CEP170B: variants seen among roughly 807,000 people sequenced by gnomAD.
CEP170B encodes the protein centrosomal protein of 170 kDa protein B.
Under a neutral mutation model 120.6 loss-of-function variants are expected in CEP170B, and 55 were observed. That is an observed-to-expected ratio of 0.46 (90% CI 0.37 to 0.57). The LOEUF (loss-of-function observed/expected upper bound fraction) is 0.57. CEP170B is among the 20% of genes least tolerant of loss of function. The probability of loss-of-function intolerance (pLI) is 0.00; values close to 1 mark genes in which losing one functional copy is unlikely to be tolerated. For missense variants in CEP170B, 2,212 were observed against 2,253.3 expected, an observed-to-expected ratio of 0.98 and a Z score of 0.37; for synonymous variants, 1,033 against 954.5, an observed-to-expected ratio of 1.08 and a Z score of -1.52.
At position 104,893,067 on chromosome 14, in the gene CEP170B, C is replaced by T; in HGVS notation, c.3970C>T (p.Pro1324Ser). Residue 1324 changes from proline (P) to serine (S), a missense_variant, in exon 14 of 19, where the codon CCT becomes TCT. Physicochemically the swap from Pro to Ser is moderately conservative, Grantham distance 74. This residue lies in a region of CEP170B where 2,166 missense variants were observed against 2,166.7 expected (regional missense o/e 1.00). Coordinates refer to ENST00000414716, the MANE Select transcript of CEP170B (RefSeq NM_001112726.3). The stretch of plus-strand genomic sequence containing the variant: ...CGGTGACACACTGGGCTCCTCGGAG[C>T]CTGCCCACAGCGCCTCCCTCAGCAA... Reference protein sequence around the residue: ...GDGDTLGSSEPAHSASLSNMP... With the variant: ...GDGDTLGSSESAHSASLSNMP... The T allele has an allele frequency of 6.2e-7, 1 of 1,603,752 alleles. No individual in the cohort carries two copies. Among genetic ancestry groups the T allele is most frequent in the South Asian group, 1.1e-5 (1 of 89,220 alleles).
Position 104,887,207 on chromosome 14 carries a change from C to T in CEP170B, c.2968C>T (p.Pro990Ser). ...RAQKEMSPSP[P>S]AAQDPGGTAL... ...ACAGAAGGAGATGTCGCCATCCCCG[C>T]CAGCTGCACAGGACCCGGGAGGCAC... Residue 990 changes from proline to serine, a missense_variant, in exon 12 of 19, where the codon CCA (proline) becomes TCA (serine). This residue lies in a region of CEP170B where 2,166 missense variants were observed against 2,166.7 expected (regional missense o/e 1.00). Transcript: ENST00000414716. 1 of 1,605,992 alleles carries T rather than the reference C, an allele frequency of 6.2e-7. No individual in the cohort carries two copies. Among genetic ancestry groups the T allele is most frequent in the Non-Finnish European group, 8.5e-7 (1 of 1,179,688 alleles).
rs377318497 is a variant in CEP170B, at chr14:104,865,905, C to T, written c.-28+392C>T. Among the ~76,000 whole-genome samples, 1 of 152,142 alleles carries T rather than the reference C, an allele frequency of 6.6e-6. No individual in the cohort carries two copies. The highest frequency in any genetic ancestry group is 1.5e-5 in the Non-Finnish European group (1 of 68,002). On this transcript the variant is annotated intron_variant, in intron 1 of 18. Coordinates refer to ENST00000414716, the MANE Select transcript of CEP170B (RefSeq NM_001112726.3). This position sits in a 1 kb window ranked among gnomAD's most constrained non-coding sequence, Gnocchi z 6.7. ...CCGCGGTCCCTCCCTCCGTCTTCCTCCTCCTCCCCTCTCTCCTCATTTCCC... is the reference window on the plus strand; with the variant it reads ...CCGCGGTCCCTCCCTCCGTCTTCCTTCTCCTCCCCTCTCTCCTCATTTCCC...
rs903069198 is a variant in CEP170B at position 104,878,315 on chromosome 14, G to A, written c.275-128G>A. The A allele has an allele frequency of 5.6e-5, 52 of 934,030 alleles. No homozygotes were observed. The Admixed American group carries it at 6.3e-4, about 11-fold the overall frequency. The allele number at this position is 934,030 out of a possible 1,614,324, so 57.9% of individuals were successfully genotyped here. A position where few individuals can be genotyped will look rare whatever the true frequency, so the allele number is the denominator to read the frequency against. On this transcript the variant is annotated intron_variant, in intron 4 of 18. Coordinates refer to ENST00000414716, the MANE Select transcript of CEP170B (RefSeq NM_001112726.3). Reference sequence around the variant, plus strand: ...TGGGTGGGCATGGCTGTGCCTCCCCGGGAAGAAAGAGGCCCCTCCTCTGCC... The same window carrying A: ...TGGGTGGGCATGGCTGTGCCTCCCCAGGAAGAAAGAGGCCCCTCCTCTGCC...
chr14:104,895,418 T>C lies in CEP170B; in HGVS notation c.*460T>C, dbSNP rs1159998072. On this transcript the variant is annotated 3_prime_UTR_variant, in exon 19 of 19. Coordinates refer to ENST00000414716, the MANE Select transcript of CEP170B (RefSeq NM_001112726.3). Reference sequence around the variant, plus strand: ...AGAGGAAGAGAGGTCGACTGTGGGGTCATTTGGTGCCAAACATGGAGGTGG... The same window carrying C: ...AGAGGAAGAGAGGTCGACTGTGGGGCCATTTGGTGCCAAACATGGAGGTGG... 6.4e-6 allele frequency: 1 copy of C among 155,314 alleles called. No homozygotes were observed. Among genetic ancestry groups the C allele is most frequent in the Non-Finnish European group, 1.4e-5 (1 of 70,106 alleles). 9.6% of individuals were successfully genotyped at this position (155,314 alleles called of 1,614,324 possible).
chr14:104,872,191 T>G (rs61995989), intron 2 of CEP170B, among the ~76,000 whole-genome samples: 59,585 of 137,274 alleles, frequency 0.43, 14,922 homozygotes, highest in Middle Eastern at 0.67. Context: ...GTGTGCTGTG[T>G]GTGTGCCGTG....
intron 5 of CEP170B, 116 bp from the exon 6 acceptor site, chr14:104,880,171 T>C: frequency 7.2e-7 from 1 of 1,384,680 alleles, no homozygotes; most frequent in Non-Finnish European, 9.8e-7. Context: ...AGGGAGAGCT[T>C]GTGACATGCA....
chr14:104,892,116 G>A (rs1160918203), intron 13 of CEP170B, among the ~76,000 whole-genome samples: 1 of 152,132 alleles, frequency 6.6e-6, no homozygotes, highest in Non-Finnish European at 1.5e-5. Context: ...TCCCCATGAG[G>A]ATGGGTGGTT....
chr14:104,872,333 G>GGTGTGCGTGT (rs1203581674), intron 2 of CEP170B, among the ~76,000 whole-genome samples: 3 of 80,738 alleles, frequency 3.7e-5, no homozygotes, highest in Admixed American at 1.4e-4. Context: ...GGTGTGCGTG[G>GGTGTGCGTGT]GTGTGCGTGT....
intron 10 of CEP170B, 79 bp downstream of exon 10, chr14:104,885,621 G>A: frequency 7.4e-6 from 11 of 1,484,432 alleles, no homozygotes; most frequent in Non-Finnish European, 9.8e-6. Context: ...GGGTCAGCGG[G>A]CCCCCCATGG....
intron 6 of CEP170B, among the ~76,000 whole-genome samples, chr14:104,882,185 C>T (rs1171846202): frequency 1.3e-5 from 2 of 152,126 alleles, no homozygotes; most frequent in Non-Finnish European, 2.9e-5. Flanking sequence ...AATTTCCCTC[C>T]TGGTCATTAA....
At chr14:104,877,063 T>C (rs954854289) in intron 3 of CEP170B, among the ~76,000 whole-genome samples, 1 of 151,970 alleles carries the variant, frequency 6.6e-6, no homozygotes, top group Admixed American at 6.5e-5. Context: ...GGACACTCTA[T>C]CTTTACTGCA....
At chr14:104,877,744 C>T (rs1203106496) in intron 3 of CEP170B, 141 bp from the exon 4 acceptor site, 5 of 647,016 alleles carry the variant, frequency 7.7e-6, no homozygotes, top group East Asian at 2.7e-5. Context: ...GGCCATCACT[C>T]GCCGTGGGTT....
At position 104,887,938 on chromosome 14, in the gene CEP170B, CT is replaced by C. The variant is rs776636387; in HGVS notation, c.3701del (p.Phe1234SerfsTer61). The C allele has an allele frequency of 6.5e-7, 1 of 1,542,194 alleles. No homozygotes were observed. ...TATTTGPRQP[F>X]SRARSGSARY... ...CCACCACCACGGGTCCCCGCCAGCC[CT>C]TCAGCAGGGCCCGCTCAGGCAGTGC... On this transcript the variant is annotated frameshift_variant, in exon 12 of 19. Transcript: ENST00000414716. LOFTEE classifies it high-confidence loss of function.
rs1395388976 is a variant in CEP170B, at chr14:104,867,451, T to C, written c.-27-973T>C. The stretch of plus-strand genomic sequence containing the variant: ...CCCCTGCTGAAGGGAGCCCCAGGAT[T>C]CTGAGACTCTGTGTCTTGGTCACAG... On this transcript the variant is annotated intron_variant, in intron 1 of 18. Transcript: ENST00000414716. The surrounding 1 kb of genome is among the most constrained non-coding windows in gnomAD (Gnocchi z 5.4). Among the ~76,000 whole-genome samples, 1 of 152,170 alleles carries C rather than the reference T, an allele frequency of 6.6e-6. No individual in the cohort carries two copies. Among genetic ancestry groups the C allele is most frequent in the African/African-American group, 2.4e-5 (1 of 41,436 alleles).
intron 12 of CEP170B, 192 bp from the exon 13 acceptor site, chr14:104,889,428 C>T (rs2140731429): frequency 7.0e-7 from 1 of 1,429,184 alleles, no homozygotes. Flanking sequence ...GCACTGAGCC[C>T]TCTCCCAGAG....
chr14:104,888,099 T>C, intron 12 of CEP170B, 121 bp downstream of exon 12: 1 of 1,131,074 alleles, frequency 8.8e-7, no homozygotes, highest in Non-Finnish European at 1.2e-6. Context: ...GAGGAGCCTC[T>C]GTTCCCAAAG....
chr14:104,885,682 G>C, intron 10 of CEP170B, 140 bp downstream of exon 10: 2 of 1,211,192 alleles, frequency 1.7e-6, no homozygotes, highest in Non-Finnish European at 2.2e-6. Context: ...GGGTGGGCTG[G>C]GGCTTCCATG....
rs943225100 is a variant in CEP170B, at chr14:104,869,384, C to T, written c.105+829C>T. Among the ~76,000 whole-genome samples the T allele has an allele frequency of 3.9e-5, 6 of 152,168 alleles. No individual in the cohort carries two copies. The South Asian group carries it at 6.2e-4, about 16-fold the overall frequency. On this transcript the variant is annotated intron_variant, in intron 2 of 18. Coordinates refer to ENST00000414716, the MANE Select transcript of CEP170B (RefSeq NM_001112726.3). ...TGCCCTGCCCACTCAGACGTTGCCT[C>T]CTGGATGCAACGTGCTACTGCCGCA... is the stretch of plus-strand genomic sequence containing the variant.
chr14:104,890,186 ATGGGTGGGTAGGTGGG>A (rs1896742064), intron 13 of CEP170B, among the ~76,000 whole-genome samples: 2 of 40,504 alleles, frequency 4.9e-5, no homozygotes, highest in African/African-American at 1.1e-4. Flanking sequence ...GGATGGATGG[ATGGGTGGGTAGGTGGG>A]TGGGTGGGTG....
Sources: gnomAD v4.1 joint callset for allele counts (sites outside exome capture counted in the v4.1 genomes callset) on GRCh38, gnomAD v4.1.1 for gene constraint, gnomAD v4.1.1 regional missense constraint, Gnocchi (gnomAD v3.1) non-coding constraint, MANE v1.5 for transcripts, NCBI Gene and HGNC (gene_info 2026-07-23, HGNC 2026-07-21) for gene names.